The following SOX5 variants were observed in gnomAD, a reference collection of about 807,000 sequenced individuals.
SOX5 encodes the protein SRY-box transcription factor 5.
A neutral mutation model predicts 92.0 loss-of-function variants in SOX5; 9 were observed. The ratio of observed to expected loss-of-function variants is 0.10; its 90% CI spans 0.06 to 0.17. SOX5 has a LOEUF of 0.17. Among genes scored for constraint, SOX5 ranks in the 10% least tolerant of loss-of-function variants. The pLI is 1.00. For synonymous variants in SOX5, 344 were observed against 336.3 expected (o/e 1.02, Z -0.25); for missense variants, 642 against 944.5 (o/e 0.68, Z 4.20).
intron 1 of SOX5, among the ~76,000 whole-genome samples, chr12:24,419,665 T>C (rs1965607649): frequency 6.6e-6 from 1 of 152,266 alleles, no homozygotes; most frequent in Non-Finnish European, 1.5e-5. Flanking sequence ...CTAGCTATGC[T>C]GTGCTAGTGC....
At chr12:24,449,327 G>A (rs531474044) in intron 1 of SOX5, among the ~76,000 whole-genome samples, 1 of 152,254 alleles carries the variant, frequency 6.6e-6, no homozygotes, top group South Asian at 2.1e-4. Flanking sequence ...AACCACATTA[G>A]TCTTCTCTCT....
chr12:24,096,289 A>C (rs1945406389), intron 4 of SOX5, among the ~76,000 whole-genome samples: 1 of 152,100 alleles, frequency 6.6e-6, no homozygotes, highest in Non-Finnish European at 1.5e-5. Context: ...TTTAATTCTT[A>C]CTGTGGTAAA....
At chr12:23,780,419 T>G (rs1244161664) in intron 3 of SOX5, among the ~76,000 whole-genome samples, 1 of 151,836 alleles carries the variant, frequency 6.6e-6, no homozygotes. Flanking sequence ...GATCTTACAA[T>G]GTAGTGAGAG....
chr12:24,033,043 G>C (rs1020809637), intron 4 of SOX5, among the ~76,000 whole-genome samples: 1 of 151,782 alleles, frequency 6.6e-6, no homozygotes, highest in Non-Finnish European at 1.5e-5. Context: ...TTTGTGAGGA[G>C]GTCTACAGAT....
chr12:24,239,958 A>G (rs912611092), intron 3 of SOX5, among the ~76,000 whole-genome samples: 2 of 152,206 alleles, frequency 1.3e-5, no homozygotes, highest in African/African-American at 4.8e-5. Flanking sequence ...GAGGGAATAC[A>G]CGGCTCCAGA....
intron 4 of SOX5, among the ~76,000 whole-genome samples, chr12:24,145,762 C>A (rs977193458): frequency 2.0e-5 from 3 of 152,218 alleles, no homozygotes. Flanking sequence ...CTCCCTCAGC[C>A]TCACAATGTG....
chr12:24,029,693 T>C (rs1339485471), intron 4 of SOX5, among the ~76,000 whole-genome samples: 5 of 152,026 alleles, frequency 3.3e-5, no homozygotes, highest in Non-Finnish European at 7.4e-5. Context: ...ATGTTGATCA[T>C]TGCCTTCTTA....
intron 3 of SOX5, among the ~76,000 whole-genome samples, chr12:23,826,630 A>G (rs1371718420): frequency 3.3e-5 from 5 of 152,246 alleles, no homozygotes; most frequent in South Asian, 4.1e-4. Context: ...TCACTAAGAC[A>G]TGGTATCTTG....
chr12:24,213,792 C>T (rs1289464552), intron 3 of SOX5, among the ~76,000 whole-genome samples: 1 of 152,006 alleles, frequency 6.6e-6, no homozygotes, highest in Admixed American at 6.6e-5. Flanking sequence ...TTAATTAAAT[C>T]ACTTAAAAGT....
At chr12:23,931,135 A>G (rs1458783267) in intron 1 of SOX5, among the ~76,000 whole-genome samples, 3 of 151,812 alleles carry the variant, frequency 2.0e-5, no homozygotes, top group Non-Finnish European at 2.9e-5. Flanking sequence ...ATGCACAAAT[A>G]TTTCACTACT....
At chr12:23,911,774 T>C (rs746254799) in intron 1 of SOX5, among the ~76,000 whole-genome samples, 76 of 152,106 alleles carry the variant, frequency 5.0e-4, no homozygotes, top group Non-Finnish European at 1.0e-3. Flanking sequence ...TTTCCATGTA[T>C]TATTTCTGGT....
At chr12:24,000,458 T>TA (rs1951490237) in intron 4 of SOX5, among the ~76,000 whole-genome samples, 1 of 151,956 alleles carries the variant, frequency 6.6e-6, no homozygotes, top group East Asian at 1.9e-4. Flanking sequence ...CTCTATATTT[T>TA]AAAAAAATTA....
intron 9 of SOX5, among the ~76,000 whole-genome samples, chr12:23,600,986 G>T (rs188932325): frequency 6.6e-6 from 1 of 152,126 alleles, no homozygotes; most frequent in African/African-American, 2.4e-5. Context: ...ACAGAATCTT[G>T]TTCTTTTATT....
intron 1 of SOX5, among the ~76,000 whole-genome samples, chr12:24,507,697 G>A (rs557874478): frequency 5.9e-5 from 9 of 152,154 alleles, no homozygotes; most frequent in East Asian, 1.9e-4. Flanking sequence ...TGTTATGTAC[G>A]AAAATGTCCA....
At chr12:24,023,947 A>T (rs962253144) in intron 4 of SOX5, among the ~76,000 whole-genome samples, 8 of 152,020 alleles carry the variant, frequency 5.3e-5, no homozygotes, top group African/African-American at 9.7e-5. Flanking sequence ...AATAAAAGTC[A>T]ATTATCTTTA....
intron 4 of SOX5, among the ~76,000 whole-genome samples, chr12:24,148,481 C>CAAA (rs34951170): frequency 2.4e-4 from 13 of 53,582 alleles, no homozygotes; most frequent in African/African-American, 6.3e-4. Flanking sequence ...GGCTCCATGT[C>CAAA]AAAAAAAAAA....
At chr12:23,695,940 CAAAA>C (rs71059917) in intron 6 of SOX5, among the ~76,000 whole-genome samples, 37 of 11,898 alleles carry the variant, frequency 3.1e-3, no homozygotes, top group Admixed American at 0.01. Flanking sequence ...GACTCTGTCT[CAAAA>C]AAAAAAAAAA....
chr12:24,106,830 T>C (rs1296615152), intron 4 of SOX5, among the ~76,000 whole-genome samples: 5 of 120,876 alleles, frequency 4.1e-5, no homozygotes, highest in East Asian at 5.8e-4. Context: ...ATAATAATAA[T>C]AATAATAATA....
intron 4 of SOX5, among the ~76,000 whole-genome samples, chr12:24,101,222 G>C (rs1317870119): frequency 6.6e-6 from 1 of 152,032 alleles, no homozygotes; most frequent in Non-Finnish European, 1.5e-5. Context: ...TCCTAATTAT[G>C]TTCCACACAA....
Sources: gnomAD v4.1 joint callset for allele counts (sites outside exome capture counted in the v4.1 genomes callset) on GRCh38, gnomAD v4.1.1 for gene constraint, MANE v1.5 for transcripts, NCBI Gene and HGNC (gene_info 2026-07-23, HGNC 2026-07-21) for gene names.